Variants in SP100 observed in about 807,000 individuals in gnomAD.
The protein encoded by SP100 is SP100 nuclear body protein.
A neutral mutation model predicts 130.0 loss-of-function variants in SP100; 84 were observed. That is an observed-to-expected ratio of 0.65 (90% CI 0.54 to 0.77). The LOEUF (loss-of-function observed/expected upper bound fraction) is 0.77. Among genes scored for constraint, SP100 ranks in the 30% least tolerant of loss-of-function variants. The pLI, the probability that SP100 is intolerant of heterozygous loss-of-function variation, is 0.00. For synonymous variants in SP100, 331 were observed against 351.7 expected (o/e 0.94, Z 0.66); for missense variants, 978 against 1,052.2 (o/e 0.93, Z 0.97).
chr2:230,539,657 C>T (rs1692086548), intron 25 of SP100, among the ~76,000 whole-genome samples: 1 of 152,094 alleles, frequency 6.6e-6, no homozygotes, highest in African/African-American at 2.4e-5. Flanking sequence ...GCTCCCAGAC[C>T]CATGCTCTCT....
chr2:230,470,252 G>T, intron 15 of SP100, 154 bp downstream of exon 15: 2 of 1,345,874 alleles, frequency 1.5e-6, no homozygotes, highest in Admixed American at 3.6e-5. Flanking sequence ...AAAATGGAAA[G>T]AGGCAGGAAA....
intron 15 of SP100, among the ~76,000 whole-genome samples, chr2:230,472,427 CAAAAAAA>C (rs201703163): frequency 6.5e-5 from 4 of 61,330 alleles, no homozygotes; most frequent in Non-Finnish European, 1.1e-4. Context: ...GACTCCGTCT[CAAAAAAA>C]AAAAAAAAAA....
At chr2:230,531,675 C>A (rs903094647) in intron 24 of SP100, among the ~76,000 whole-genome samples, 5 of 152,060 alleles carry the variant, frequency 3.3e-5, no homozygotes, top group African/African-American at 9.7e-5. Flanking sequence ...TACATGCTTG[C>A]ATTGCTTCAC....
intron 2 of SP100, among the ~76,000 whole-genome samples, chr2:230,428,407 G>A (rs1350726418): frequency 6.6e-6 from 1 of 151,946 alleles, no homozygotes; most frequent in Non-Finnish European, 1.5e-5. Context: ...TTCAAATGGT[G>A]ACAGAAGAGA....
chr2:230,428,474 GCT>G (rs1327214883), intron 2 of SP100, among the ~76,000 whole-genome samples: 2 of 148,968 alleles, frequency 1.3e-5, no homozygotes, highest in African/African-American at 5.0e-5. Flanking sequence ...ACGGAGTCTC[GCT>G]CTGTCGCCCA....
intron 14 of SP100, 45 bp from the exon 15 acceptor site, chr2:230,469,970 A>T (rs1224300357): frequency 3.2e-6 from 5 of 1,578,468 alleles, no homozygotes; most frequent in Non-Finnish European, 4.3e-6. Flanking sequence ...GCTGATTCCT[A>T]AGACTCAGAC....
At chr2:230,537,420 A>G (rs1468546348) in intron 24 of SP100, among the ~76,000 whole-genome samples, 1 of 152,188 alleles carries the variant, frequency 6.6e-6, no homozygotes, top group African/African-American at 2.4e-5. Context: ...GAGACCCTTC[A>G]GTAGTCAAAC....
At chr2:230,437,908 A>G (rs747833131) in intron 2 of SP100, among the ~76,000 whole-genome samples, 3 of 152,196 alleles carry the variant, frequency 2.0e-5, no homozygotes, top group Non-Finnish European at 4.4e-5. Context: ...TCATTAATTT[A>G]TCCAGAGCCT....
chr2:230,449,475 A>G (rs75804297), intron 6 of SP100, 86 bp from the exon 7 acceptor site: 39,181 of 1,466,072 alleles, frequency 0.027, 600 homozygotes, highest in Non-Finnish European at 0.032. Flanking sequence ...CCTTACGTCC[A>G]TCAGTGGCCC....
chr2:230,499,074 C>A (rs921172347), intron 19 of SP100, among the ~76,000 whole-genome samples: 1 of 152,148 alleles, frequency 6.6e-6, no homozygotes, highest in Non-Finnish European at 1.5e-5. Flanking sequence ...CCCCCTCTCC[C>A]GCATCATCAG....
chr2:230,460,573 G>T, intron 8 of SP100, among the ~76,000 whole-genome samples: 2 of 150,712 alleles, frequency 1.3e-5, no homozygotes, highest in African/African-American at 2.4e-5. Flanking sequence ...GAGGTGTCTG[G>T]GGTATTGGTA....
In SP100 at chr2:230,520,831, C is replaced by T. The variant is rs566157089; in HGVS notation, c.2094+9665C>T. ...CAGGAGAAGGAAGAGGGACTCTTCA[C>T]ACCAGAATTGTCCTTTCTTATTGGA... On this transcript the variant is annotated intron_variant, in intron 24 of 28. Transcript: ENST00000340126. Among the ~76,000 whole-genome samples, 4 of 152,340 alleles carry T rather than the reference C, an allele frequency of 2.6e-5. No individual in the cohort carries two copies. In the East Asian group the frequency reaches 5.8e-4, roughly 22 times the overall value.
chr2:230,452,385 C>T (rs1421618087), intron 8 of SP100, among the ~76,000 whole-genome samples: 4 of 152,078 alleles, frequency 2.6e-5, no homozygotes, highest in African/African-American at 9.7e-5. Flanking sequence ...CCATGTTGGT[C>T]GGGCTGGTCT....
At chr2:230,528,741 G>A (rs1448515609) in intron 24 of SP100, among the ~76,000 whole-genome samples, 1 of 152,108 alleles carries the variant, frequency 6.6e-6, no homozygotes, top group Non-Finnish European at 1.5e-5. Flanking sequence ...AATGATACAG[G>A]GGATATCACC....
chr2:230,457,977 G>A (rs2064370689), intron 8 of SP100, among the ~76,000 whole-genome samples: 1 of 152,184 alleles, frequency 6.6e-6, no homozygotes, highest in African/African-American at 2.4e-5. Flanking sequence ...GAGATGGAAG[G>A]GAAAAAGAGA....
chr2:230,452,445 G>A (rs2064039857), intron 8 of SP100, among the ~76,000 whole-genome samples: 1 of 152,106 alleles, frequency 6.6e-6, no homozygotes, highest in Non-Finnish European at 1.5e-5. Flanking sequence ...CTAGATGCTG[G>A]GATTACAGGC....
intron 2 of SP100, among the ~76,000 whole-genome samples, chr2:230,423,898 T>A (rs2062845100): frequency 6.6e-6 from 1 of 152,234 alleles, no homozygotes; most frequent in African/African-American, 2.4e-5. Context: ...GATTTCCATT[T>A]GTGAGAGTCA....
At chr2:230,534,852 A>T (rs1691857366) in intron 24 of SP100, among the ~76,000 whole-genome samples, 2 of 152,200 alleles carry the variant, frequency 1.3e-5, no homozygotes, top group Admixed American at 1.3e-4. Flanking sequence ...TGGCTTGCTT[A>T]AGAGTTTTGA....
At chr2:230,465,425 A>G (rs1051509437) in intron 11 of SP100, among the ~76,000 whole-genome samples, 10 of 152,140 alleles carry the variant, frequency 6.6e-5, no homozygotes, top group African/African-American at 2.4e-4. Flanking sequence ...AAAGAACGAG[A>G]TCATGTATTT....
Sources: gnomAD v4.1 joint callset for allele counts (sites outside exome capture counted in the v4.1 genomes callset) on GRCh38, gnomAD v4.1.1 for gene constraint, MANE v1.5 for transcripts, NCBI Gene and HGNC (gene_info 2026-07-23, HGNC 2026-07-21) for gene names.